Variants in SMYD3 observed in about 807,000 individuals in gnomAD.
SMYD3 encodes the protein SET and MYND domain containing 3, also known as histone-lysine N-methyltransferase SMYD3.
Under a neutral mutation model 57.7 loss-of-function variants are expected in SMYD3, and 36 were observed. The ratio of observed to expected loss-of-function variants is 0.62; its 90% confidence interval spans 0.48 to 0.82. The LOEUF (loss-of-function observed/expected upper bound fraction) is 0.82, where lower values mean the gene tolerates loss of function less well. SMYD3 is among the 40% of genes least tolerant of loss of function. The pLI, the probability that SMYD3 is intolerant of heterozygous loss-of-function variation, is 0.00. For synonymous variants in SMYD3, 211 were observed against 195.0 expected (o/e 1.08, Z -0.68); for missense variants, 515 against 538.8 (o/e 0.96, Z 0.44).
At chr1:246,021,900 C>T (rs563606598) in intron 5 of SMYD3, among the ~76,000 whole-genome samples, 11 of 152,268 alleles carry the variant, frequency 7.2e-5, no homozygotes, top group Middle Eastern at 3.4e-3. Context: ...TGTGTTGCTT[C>T]GACATTCTGT....
At chr1:245,857,426 C>CCCAGATGTCTCCTGAGAGTCTT (rs147031396) in intron 10 of SMYD3, among the ~76,000 whole-genome samples, 84,296 of 151,864 alleles carry the variant, frequency 0.56, 26,587 homozygotes, top group Non-Finnish European at 0.73. Flanking sequence ...AAATTCCTCT[C>CCCAGATGTCTCCTGAGAGTCTT]CCTCTAGCGG....
rs75943811 is a variant in SMYD3 at position 246,158,994 on chromosome 1, T to C, written c.531+168207A>G. 8.6e-3 allele frequency among the ~76,000 whole-genome samples: 1,315 copies of C among 152,148 alleles called. 18 individuals carry two copies. The highest frequency in any genetic ancestry group is 0.029 in the African/African-American group (1,216 of 41,522). ...AGAAGATATTTTCAGATAATGTTCA[T>C]GATGTGGCGACAATAAAACAGAATA... On this transcript the variant is annotated intron_variant, in intron 5 of 11. Coordinates refer to ENST00000490107, the MANE Select transcript of SMYD3 (RefSeq NM_001167740.2).
intron 5 of SMYD3, among the ~76,000 whole-genome samples, chr1:246,315,552 C>T (rs939966048): frequency 4.6e-5 from 7 of 152,208 alleles, no homozygotes; most frequent in African/African-American, 1.2e-4. Context: ...CATCCTGACA[C>T]GTAATTCTAA....
intron 1 of SMYD3, among the ~76,000 whole-genome samples, chr1:246,376,633 A>G (rs1397762631): frequency 6.6e-6 from 1 of 151,394 alleles, no homozygotes; most frequent in Non-Finnish European, 1.5e-5. Context: ...AAACCAGTAT[A>G]AACAACATTA....
intron 5 of SMYD3, among the ~76,000 whole-genome samples, chr1:246,138,591 A>C (rs1286832210): frequency 7.9e-6 from 1 of 126,538 alleles, no homozygotes; most frequent in Non-Finnish European, 1.9e-5. Flanking sequence ...ACGCCCGGCT[A>C]ATTTTTTGTA....
intron 5 of SMYD3, chr1:245,947,365 G>T (rs987428145): frequency 2.4e-5 from 11 of 457,012 alleles, no homozygotes; most frequent in African/African-American, 2.2e-4. Flanking sequence ...ACCAGAGACA[G>T]AATAGAAAAG....
intron 11 of SMYD3, among the ~76,000 whole-genome samples, chr1:245,753,649 A>G (rs2045487870): frequency 6.6e-6 from 1 of 152,134 alleles, no homozygotes; most frequent in African/African-American, 2.4e-5. Flanking sequence ...GTCCTCAACG[A>G]TGTACGGAGA....
At chr1:245,767,040 A>G (rs2046144075) in intron 10 of SMYD3, among the ~76,000 whole-genome samples, 1 of 152,102 alleles carries the variant, frequency 6.6e-6, no homozygotes, top group South Asian at 2.1e-4. Context: ...TCCTTGCTGG[A>G]GTATAACTCC....
chr1:246,504,769 T>C (rs2068510464), intron 1 of SMYD3, among the ~76,000 whole-genome samples: 1 of 152,194 alleles, frequency 6.6e-6, no homozygotes, highest in African/African-American at 2.4e-5. Context: ...TGTTAGACAC[T>C]GGGGCTACAA....
At chr1:246,184,512 C>T (rs2062601850) in intron 5 of SMYD3, among the ~76,000 whole-genome samples, 1 of 152,188 alleles carries the variant, frequency 6.6e-6, no homozygotes, top group South Asian at 2.1e-4. Context: ...CTTCTTGCTT[C>T]TAACAATATC....
At chr1:245,854,303 T>C (rs1315113013) in intron 10 of SMYD3, among the ~76,000 whole-genome samples, 9 of 152,172 alleles carry the variant, frequency 5.9e-5, no homozygotes, top group Admixed American at 2.6e-4. Context: ...TAAATATAAC[T>C]TTCACTTTAA....
intron 10 of SMYD3, among the ~76,000 whole-genome samples, chr1:245,854,825 G>A (rs2051153605): frequency 1.3e-5 from 2 of 152,096 alleles, no homozygotes; most frequent in Non-Finnish European, 2.9e-5. Flanking sequence ...AGAGTAACTG[G>A]GAAAGCAGAA....
At chr1:246,361,608 C>T (rs12404068) in intron 1 of SMYD3, among the ~76,000 whole-genome samples, 23,445 of 152,136 alleles carry the variant, frequency 0.15, 2,061 homozygotes, top group East Asian at 0.3. Flanking sequence ...TGGAATAACA[C>T]TCAACCATAA....
chr1:246,315,766 A>G (rs2065145425), intron 5 of SMYD3, among the ~76,000 whole-genome samples: 1 of 152,258 alleles, frequency 6.6e-6, no homozygotes, highest in Non-Finnish European at 1.5e-5. Flanking sequence ...CAGAAACTGT[A>G]ATGAAAATCA....
intron 1 of SMYD3, among the ~76,000 whole-genome samples, chr1:246,412,314 A>G (rs1339314761): frequency 6.6e-6 from 1 of 152,218 alleles, no homozygotes; most frequent in African/African-American, 2.4e-5. Flanking sequence ...TAGCTGGCAT[A>G]TCTTTACTTT....
At chr1:246,237,179 T>C (rs148769995) in intron 5 of SMYD3, among the ~76,000 whole-genome samples, 1 of 152,260 alleles carries the variant, frequency 6.6e-6, no homozygotes, top group African/African-American at 2.4e-5. Context: ...AGGTTCTCTG[T>C]GTGTGTTCCC....
intron 1 of SMYD3, among the ~76,000 whole-genome samples, chr1:246,405,369 G>A (rs986130798): frequency 6.6e-6 from 1 of 152,124 alleles, no homozygotes; most frequent in African/African-American, 2.4e-5. Flanking sequence ...CTCAAAATCT[G>A]CCTTTCTAGC....
intron 5 of SMYD3, among the ~76,000 whole-genome samples, chr1:246,110,557 C>T (rs1572039327): frequency 6.6e-6 from 1 of 152,232 alleles, no homozygotes; most frequent in Admixed American, 6.5e-5. Flanking sequence ...AACTCTTTCC[C>T]TCTGAGCGCA....
Position 246,327,122 on chromosome 1 carries a change from G to A in SMYD3, c.531+79C>T, listed in dbSNP as rs572781461. Reference sequence around the variant, plus strand: ...TCTTGAATTTCCTGTCAAGATTCTCGACATTTTTGTAACTAACAACAAAAT... The same window carrying A: ...TCTTGAATTTCCTGTCAAGATTCTCAACATTTTTGTAACTAACAACAAAAT... On this transcript the variant is annotated intron_variant, in intron 5 of 11. Coordinates refer to ENST00000490107, the MANE Select transcript of SMYD3 (RefSeq NM_001167740.2). The A allele has an allele frequency of 9.5e-6, 15 of 1,571,190 alleles. No individual in the cohort carries two copies. The East Asian group carries it at 1.1e-4, about 12-fold the overall frequency.
Sources: gnomAD v4.1 joint callset for allele counts (sites outside exome capture counted in the v4.1 genomes callset) on GRCh38, gnomAD v4.1.1 for gene constraint, MANE v1.5 for transcripts, NCBI Gene and HGNC (gene_info 2026-07-23, HGNC 2026-07-21) for gene names.